Variants in TAFA1 observed in about 807,000 individuals in gnomAD.
The protein encoded by TAFA1 is TAFA chemokine like family member 1.
A neutral mutation model predicts 18.5 loss-of-function variants in TAFA1; 4 were observed. The ratio of observed to expected loss-of-function variants is 0.22; its 90% CI spans 0.11 to 0.49. The LOEUF (loss-of-function observed/expected upper bound fraction) is 0.49. TAFA1 is among the 20% of genes least tolerant of loss of function. The pLI, the probability that TAFA1 is intolerant of heterozygous loss-of-function variation, is 0.98. For missense variants in TAFA1, 147 were observed against 169.0 expected, an observed-to-expected ratio of 0.87 and a Z score of 0.72; for synonymous variants, 56 against 55.2, an observed-to-expected ratio of 1.01 and a Z score of -0.06.
chr3:68,278,465 G>A (rs2067834956), intron 2 of TAFA1, among the ~76,000 whole-genome samples: 2 of 152,032 alleles, frequency 1.3e-5, no homozygotes, highest in South Asian at 2.1e-4. Flanking sequence ...ATTTTGGAGG[G>A]AGGCAGGTTG....
chr3:68,418,349 G>T (rs1483609121), intron 3 of TAFA1, among the ~76,000 whole-genome samples: 3 of 152,004 alleles, frequency 2.0e-5, no homozygotes, highest in Non-Finnish European at 2.9e-5. Context: ...GGGTCGCAAG[G>T]TGCTCAGTGG....
At chr3:68,309,089 T>C (rs2068471941) in intron 2 of TAFA1, among the ~76,000 whole-genome samples, 1 of 152,128 alleles carries the variant, frequency 6.6e-6, no homozygotes, top group African/African-American at 2.4e-5. Context: ...CACTTATATC[T>C]GAGCTCAAAA....
At chr3:68,385,486 G>A (rs900311403) in intron 2 of TAFA1, among the ~76,000 whole-genome samples, 13 of 152,042 alleles carry the variant, frequency 8.6e-5, no homozygotes, top group Admixed American at 2.6e-4. Context: ...ATTTTGAGAC[G>A]GCACTTAAAG....
chr3:68,172,923 T>C (rs2066075141), intron 2 of TAFA1, among the ~76,000 whole-genome samples: 1 of 152,114 alleles, frequency 6.6e-6, no homozygotes, highest in African/African-American at 2.4e-5. Context: ...TTTAGGGTGG[T>C]AAAATGTTCT....
At chr3:68,216,055 A>C (rs781195854) in intron 2 of TAFA1, among the ~76,000 whole-genome samples, 42 of 152,092 alleles carry the variant, frequency 2.8e-4, no homozygotes, top group Non-Finnish European at 5.4e-4. Context: ...AAAGAAGCCA[A>C]TCTGAAAAGG....
In TAFA1 at chr3:68,112,194, C is replaced by T. The variant is rs193053960; in HGVS notation, c.118+105450C>T. ...GGTCAGTGGGCCCCTCCCAACAAAACTCAAAAAAGGAATTACGGGACAGGA... is the reference window on the plus strand; with the variant it reads ...GGTCAGTGGGCCCCTCCCAACAAAATTCAAAAAAGGAATTACGGGACAGGA... On this transcript the variant is annotated intron_variant, in intron 2 of 4. Transcript: ENST00000478136. Among the ~76,000 whole-genome samples the T allele has an allele frequency of 3.6e-3, 546 of 152,126 alleles. 5 individuals carry two copies. Among genetic ancestry groups the T allele is most frequent in the African/African-American group, 0.012 (510 of 41,520 alleles).
At chr3:68,008,827 G>A (rs1323390610) in intron 2 of TAFA1, among the ~76,000 whole-genome samples, 1 of 152,292 alleles carries the variant, frequency 6.6e-6, no homozygotes, top group East Asian at 1.9e-4. Flanking sequence ...AGGGCTCGGG[G>A]CTGGCCACCT....
At chr3:68,393,609 C>T (rs938585104) in intron 2 of TAFA1, among the ~76,000 whole-genome samples, 2 of 152,108 alleles carry the variant, frequency 1.3e-5, no homozygotes, top group Non-Finnish European at 2.9e-5. Flanking sequence ...ATGCAAAAAT[C>T]CTCTATAATA....
chr3:68,200,152 AT>A lies in TAFA1; in HGVS notation c.118+193409del, dbSNP rs753754314. Among the ~76,000 whole-genome samples the A allele has an allele frequency of 6.6e-5, 10 of 151,626 alleles. No homozygotes were observed. In the East Asian group the frequency reaches 1.6e-3, roughly 24 times the overall value. ...ATGAATTATATTAATTGATTTTCAA[AT>A]ATTGAATCAGCATTGCATACCTTGG... On this transcript the variant is annotated intron_variant, in intron 2 of 4. Transcript: ENST00000478136.
chr3:68,530,128 A>T (rs572139037), intron 3 of TAFA1, among the ~76,000 whole-genome samples: 1 of 152,230 alleles, frequency 6.6e-6, no homozygotes, highest in Non-Finnish European at 1.5e-5. Context: ...TTGGTAAAGC[A>T]GGTAATGTTT....
intron 2 of TAFA1, among the ~76,000 whole-genome samples, chr3:68,157,485 GA>G (rs920443914): frequency 4.0e-5 from 6 of 151,648 alleles, no homozygotes; most frequent in Admixed American, 1.3e-4. Flanking sequence ...GAGCAAACAG[GA>G]AAAAAAATAC....
At chr3:68,235,626 A>G (rs1204642597) in intron 2 of TAFA1, among the ~76,000 whole-genome samples, 2 of 151,950 alleles carry the variant, frequency 1.3e-5, no homozygotes, top group African/African-American at 4.8e-5. Flanking sequence ...AGTCATTATG[A>G]TCTGGTTGGT....
chr3:68,154,320 A>G (rs932561644), intron 2 of TAFA1, among the ~76,000 whole-genome samples: 1 of 152,138 alleles, frequency 6.6e-6, no homozygotes, highest in African/African-American at 2.4e-5. Context: ...AGATCTACCT[A>G]CAAGATCCAC....
intron 2 of TAFA1, among the ~76,000 whole-genome samples, chr3:68,074,133 A>G (rs1478971581): frequency 6.6e-6 from 1 of 152,206 alleles, no homozygotes; most frequent in Admixed American, 6.5e-5. Context: ...GGATTGCACA[A>G]TCTAGATCTC....
At chr3:68,303,060 G>T (rs920169219) in intron 2 of TAFA1, among the ~76,000 whole-genome samples, 2 of 152,038 alleles carry the variant, frequency 1.3e-5, no homozygotes, top group Admixed American at 1.3e-4. Flanking sequence ...ATGTCAAGGT[G>T]CCTGGTACAT....
intron 3 of TAFA1, among the ~76,000 whole-genome samples, chr3:68,460,853 A>G (rs1375803911): frequency 6.6e-6 from 1 of 152,254 alleles, no homozygotes; most frequent in Non-Finnish European, 1.5e-5. Context: ...GAACCCCATT[A>G]GACTAGAACT....
intron 3 of TAFA1, among the ~76,000 whole-genome samples, chr3:68,489,072 A>G (rs1380590339): frequency 6.6e-6 from 1 of 152,238 alleles, no homozygotes; most frequent in Non-Finnish European, 1.5e-5. Context: ...ACTAAGAAAA[A>G]TTGAGCTAAT....
intron 2 of TAFA1, among the ~76,000 whole-genome samples, chr3:68,194,752 T>C (rs1273636589): frequency 4.0e-5 from 6 of 151,730 alleles, no homozygotes; most frequent in African/African-American, 1.2e-4. Context: ...GACAAAATAC[T>C]TCAAAGTATG....
At chr3:68,486,569 C>T (rs1474091617) in intron 3 of TAFA1, among the ~76,000 whole-genome samples, 1 of 152,088 alleles carries the variant, frequency 6.6e-6, no homozygotes, top group Admixed American at 6.6e-5. Context: ...AGACTGTTTC[C>T]TCATATATAA....
Sources: gnomAD v4.1 joint callset for allele counts (sites outside exome capture counted in the v4.1 genomes callset) on GRCh38, gnomAD v4.1.1 for gene constraint, MANE v1.5 for transcripts, NCBI Gene and HGNC (gene_info 2026-07-23, HGNC 2026-07-21) for gene names.